The following CAV3 variants were observed in gnomAD, a reference collection of about 807,000 sequenced individuals.
The protein encoded by CAV3 is caveolin-3.
CAV3 carries 10 observed loss-of-function variants against 13.4 expected under a neutral mutation model. The observed-to-expected ratio is 0.75, with a 90% CI of 0.46 to 1.27. The LOEUF is 1.27. CAV3 is among the 50% of genes most tolerant of loss of function. The pLI, the probability that CAV3 is intolerant of heterozygous loss-of-function variation, is 0.00. For synonymous variants in CAV3, 90 were observed against 79.0 expected (o/e 1.14, Z -0.74); for missense variants, 162 against 194.0 (o/e 0.83, Z 0.98).
chr3:8,742,809 G>A (rs1392444794), intron 1 of CAV3, among the ~76,000 whole-genome samples: 1 of 152,140 alleles, frequency 6.6e-6, no homozygotes, highest in East Asian at 1.9e-4. Flanking sequence ...GTGGATAGAT[G>A]GATAGATGAA....
rs1974763 is a variant in CAV3 at position 8,733,903 on chromosome 3, C to T, written c.27C>T (p.Leu9=). The change falls in exon 1 of 2, where the codon CTC becomes CTT. Residue 9 remains leucine, a synonymous_variant. Coordinates refer to ENST00000343849, the MANE Select transcript of CAV3 (RefSeq NM_033337.3). MMAEEHTD[L]EAQIVKDIHC... is the part of the protein sequence containing the mutation. The stretch of plus-strand genomic sequence containing the variant: ...TGATGGCAGAAGAGCACACAGATCT[C>T]GAGGCCCAGATCGTCAAGGATATCC... 0.11 allele frequency: 179,865 copies of T among 1,610,152 alleles called. 11,775 individuals are homozygous for T. The highest frequency in any genetic ancestry group is 0.13 in the Non-Finnish European group (156,685 of 1,176,448).
Position 8,745,806 on chromosome 3 carries a change from T to C in CAV3, c.395T>C (p.Leu132Pro), listed in dbSNP as rs1708142266. ...SLCIRTFCNP[L>P]FAALGQVCSS... ...TGCATCCGCACCTTCTGCAACCCAC[T>C]CTTCGCGGCCCTGGGCCAGGTCTGC... The change falls in exon 2 of 2, where the codon CTC becomes CCC. Residue 132 changes from leucine (L) to proline (P), a missense_variant. Leu to Pro is a moderately conservative substitution (Grantham distance 98). Coordinates refer to ENST00000343849, the MANE Select transcript of CAV3 (RefSeq NM_033337.3). This position sits in a 1 kb window ranked among gnomAD's most constrained non-coding sequence, Gnocchi z 4.8. 6.2e-7 allele frequency: 1 copy of C among 1,613,768 alleles called. No homozygotes were observed. The highest frequency in any genetic ancestry group is 1.3e-5 in the African/African-American group (1 of 74,924).
intron 1 of CAV3, among the ~76,000 whole-genome samples, chr3:8,736,964 G>T (rs1035284290): frequency 7.9e-5 from 12 of 152,198 alleles, no homozygotes; most frequent in African/African-American, 2.9e-4. Context: ...TAGATTTCAG[G>T]TCTCTGTTAC....
intron 1 of CAV3, among the ~76,000 whole-genome samples, chr3:8,740,232 T>A (rs1400206648): frequency 1.3e-5 from 2 of 152,084 alleles, no homozygotes; most frequent in Non-Finnish European, 2.9e-5. Context: ...TGGCACAACA[T>A]CCTTTCTGCC....
chr3:8,745,807 C>G lies in CAV3; in HGVS notation c.396C>G (p.Leu132=). ...GCATCCGCACCTTCTGCAACCCACT[C>G]TTCGCGGCCCTGGGCCAGGTCTGCA... The part of the protein sequence containing the change: ...SLCIRTFCNP[L]FAALGQVCSS... Residue 132 remains leucine (L), a synonymous_variant, in exon 2 of 2, where the codon CTC becomes CTG. Coordinates refer to ENST00000343849, the MANE Select transcript of CAV3 (RefSeq NM_033337.3). This position sits in a 1 kb window ranked among gnomAD's most constrained non-coding sequence, Gnocchi z 4.8. The G allele has an allele frequency of 6.2e-7, 1 of 1,613,932 alleles. No individual in the cohort carries two copies. The highest frequency in any genetic ancestry group is 1.3e-5 in the African/African-American group (1 of 75,070).
At position 8,745,993 on chromosome 3, in the gene CAV3, G is replaced by A; in HGVS notation, c.*126G>A. 1.4e-6 allele frequency: 1 copy of A among 716,986 alleles called. No individual in the cohort carries two copies. The highest frequency in any genetic ancestry group is 2.3e-6 in the Non-Finnish European group (1 of 436,784). 44.4% of individuals were successfully genotyped at this position (716,986 alleles called of 1,614,324 possible). On this transcript the variant is annotated 3_prime_UTR_variant, in exon 2 of 2. Transcript: ENST00000343849. This position sits in a 1 kb window ranked among gnomAD's most constrained non-coding sequence, Gnocchi z 4.8. Reference sequence around the variant, plus strand: ...AGGGACTGCTCCATACCCCATGATGGAGCACACGGTGTAGGGAAGCCAGAA... The same window carrying A: ...AGGGACTGCTCCATACCCCATGATGAAGCACACGGTGTAGGGAAGCCAGAA...
At position 8,746,007 on chromosome 3, in the gene CAV3, G is replaced by A; in HGVS notation, c.*140G>A. 1 of 665,556 alleles carries A rather than the reference G, an allele frequency of 1.5e-6. No homozygotes were observed. The highest frequency in any genetic ancestry group is 2.0e-5 in the South Asian group (1 of 50,336). 41.2% of individuals were successfully genotyped at this position (665,556 alleles called of 1,614,324 possible). On this transcript the variant is annotated 3_prime_UTR_variant, in exon 2 of 2. Coordinates refer to ENST00000343849, the MANE Select transcript of CAV3 (RefSeq NM_033337.3). ...ACCCCATGATGGAGCACACGGTGTAGGGAAGCCAGAAAGAAAAGACGGCCC... is the reference window on the plus strand; with the variant it reads ...ACCCCATGATGGAGCACACGGTGTAAGGAAGCCAGAAAGAAAAGACGGCCC...
intron 1 of CAV3, among the ~76,000 whole-genome samples, chr3:8,738,014 TTC>T (rs147215433): frequency 4.7e-5 from 7 of 149,798 alleles, no homozygotes; most frequent in African/African-American, 9.9e-5. Flanking sequence ...CTCCTCTTTC[TTC>T]TCTCTCTCTC....
chr3:8,736,749 G>A (rs997597071), intron 1 of CAV3, among the ~76,000 whole-genome samples: 3 of 152,206 alleles, frequency 2.0e-5, no homozygotes, highest in Non-Finnish European at 4.4e-5. Flanking sequence ...CTGAGCCCTA[G>A]CAAAAATAGC....
At chr3:8,742,856 T>C (rs909479389) in intron 1 of CAV3, among the ~76,000 whole-genome samples, 3 of 152,162 alleles carry the variant, frequency 2.0e-5, no homozygotes, top group Non-Finnish European at 2.9e-5. Flanking sequence ...CTGTTTTTCA[T>C]TGCTATAAAG....
At chr3:8,737,616 A>T (rs1707801985) in intron 1 of CAV3, among the ~76,000 whole-genome samples, 1 of 152,092 alleles carries the variant, frequency 6.6e-6, no homozygotes, top group South Asian at 2.1e-4. Context: ...GTAGCTGAGG[A>T]ACTGGGGGGA....
At position 8,745,455 on chromosome 3, in the gene CAV3, A is replaced by T; in HGVS notation, c.115-71A>T. 1 of 1,202,486 alleles carries T rather than the reference A, an allele frequency of 8.3e-7. No individual in the cohort carries two copies. The highest frequency in any genetic ancestry group is 1.2e-6 in the Non-Finnish European group (1 of 811,288). The allele number at this position is 1,202,486 out of a possible 1,614,324, so 74.5% of individuals were successfully genotyped here. ...ACCTCTAGGGGATTCTGACACATGC[A>T]CGCACACACCCAAAAGCTTGAGAAG... On this transcript the variant is annotated intron_variant, in intron 1 of 1. Transcript: ENST00000343849. The surrounding 1 kb of genome is among the most constrained non-coding windows in gnomAD (Gnocchi z 4.8).
At chr3:8,744,275 A>ATTTTTTT (rs35889837) in intron 1 of CAV3, among the ~76,000 whole-genome samples, 22 of 120,844 alleles carry the variant, frequency 1.8e-4, no homozygotes, top group African/African-American at 7.9e-4. Context: ...GACCAGTGGA[A>ATTTTTTT]TTTTTTTTTT....
At chr3:8,742,568 T>A (rs1708010581) in intron 1 of CAV3, 1 of 451,736 alleles carries the variant, frequency 2.2e-6, no homozygotes, top group African/African-American at 2.0e-5. Context: ...TCAAAAGAAT[T>A]TCTCAGATGT....
intron 1 of CAV3, among the ~76,000 whole-genome samples, chr3:8,741,245 G>A (rs1707948802): frequency 6.6e-6 from 1 of 152,066 alleles, no homozygotes; most frequent in African/African-American, 2.4e-5. Context: ...ATTAATCACT[G>A]GAAAAATGAA....
rs761241474 is a variant in CAV3 at position 8,735,746 on chromosome 3, C to A, written c.114+1756C>A. Among the ~76,000 whole-genome samples the A allele has an allele frequency of 1.4e-3, 215 of 152,282 alleles. 3 individuals are homozygous for A. Among genetic ancestry groups the A allele is most frequent in the Middle Eastern group, 3.4e-3 (1 of 294 alleles). ...CCTGGTTGGCTCCCACCTGCCAGCC[C>A]ACCCACCAGAGTACATTCCTGTGCC... On this transcript the variant is annotated intron_variant, in intron 1 of 1. Coordinates refer to ENST00000343849, the MANE Select transcript of CAV3 (RefSeq NM_033337.3).
chr3:8,738,610 T>C (rs1432955057), intron 1 of CAV3, among the ~76,000 whole-genome samples: 1 of 152,152 alleles, frequency 6.6e-6, no homozygotes, highest in African/African-American at 2.4e-5. Context: ...AAGCCAGCTA[T>C]ATGGACAGGT....
chr3:8,736,240 G>C (rs192376348), intron 1 of CAV3, among the ~76,000 whole-genome samples: 1 of 152,134 alleles, frequency 6.6e-6, no homozygotes, highest in African/African-American at 2.4e-5. Context: ...CTGAGACTCA[G>C]TTTCCCCTGT....
intron 1 of CAV3, chr3:8,744,859 GT>G (rs962421210): frequency 2.6e-5 from 4 of 152,752 alleles, no homozygotes; most frequent in Non-Finnish European, 5.8e-5. Context: ...CCTTGAGGGG[GT>G]TGAACGAGCG....
Sources: gnomAD v4.1 joint callset for allele counts (sites outside exome capture counted in the v4.1 genomes callset) on GRCh38, gnomAD v4.1.1 for gene constraint, Gnocchi (gnomAD v3.1) non-coding constraint, MANE v1.5 for transcripts, NCBI Gene and HGNC (gene_info 2026-07-23, HGNC 2026-07-21) for gene names.